NHSL2: variants seen among roughly 807,000 people sequenced by gnomAD.
NHSL2 encodes NHS-like protein 2.
A neutral mutation model predicts 53.4 loss-of-function variants in NHSL2; 27 were observed. The ratio of observed to expected loss-of-function variants is 0.51; its 90% CI spans 0.37 to 0.70. The LOEUF (loss-of-function observed/expected upper bound fraction) is 0.70, where lower values mean the gene tolerates loss of function less well. NHSL2 is among the 30% of genes least tolerant of loss of function. NHSL2 has a pLI of 0.00. For missense variants in NHSL2, 892 were observed against 980.1 expected (o/e 0.91, Z 1.20); for synonymous variants, 408 against 404.1 (o/e 1.01, Z -0.12).
intron 1 of NHSL2, among the ~76,000 whole-genome samples, chrX:72,070,277 C>T (rs1385914491): frequency 9.1e-6 from 1 of 110,144 alleles, no homozygotes; most frequent in East Asian, 2.9e-4. Context: ...GTGTAATGCC[C>T]TGCCCCCCAC....
chrX:72,109,333 C>T (rs939865776), intron 1 of NHSL2, among the ~76,000 whole-genome samples: 1 of 112,229 alleles, frequency 8.9e-6, no homozygotes, highest in African/African-American at 3.2e-5. Context: ...AGATGAGGCA[C>T]TGGGAGGTGA....
chrX:72,076,142 A>G (rs1381336888), intron 1 of NHSL2, among the ~76,000 whole-genome samples: 1 of 110,991 alleles, frequency 9.0e-6, no homozygotes, highest in Non-Finnish European at 1.9e-5. Flanking sequence ...CATGTTGGTC[A>G]GGCTGGTCTC....
At position 72,139,648 on chromosome X, in the gene NHSL2, A is replaced by G. The variant is rs373453978; in HGVS notation, c.2100A>G (p.Ser700=). 5.4e-5 allele frequency: 65 copies of G among 1,208,498 alleles called. No homozygotes were observed. Among genetic ancestry groups the G allele is most frequent in the Non-Finnish European group, 6.9e-5 (62 of 894,539 alleles). ...LSIEVEAREI[S]SPGRPPGLMS... ...TTGAAGTGGAGGCCAGGGAGATATC[A>G]TCCCCGGGAAGGCCCCCTGGACTGA... Residue 700 remains serine, a synonymous_variant, in exon 6 of 8, where the codon TCA becomes TCG. Coordinates refer to ENST00000633930, the MANE Select transcript of NHSL2 (RefSeq NM_001013627.3).
intron 1 of NHSL2, among the ~76,000 whole-genome samples, chrX:72,025,587 G>T (rs1297422893): frequency 8.9e-6 from 1 of 112,729 alleles, no homozygotes; most frequent in Non-Finnish European, 1.9e-5. Context: ...TGTAACCACT[G>T]CAGCTCTCTG....
chrX:72,003,739 C>T (rs1446554671), intron 1 of NHSL2, among the ~76,000 whole-genome samples: 1 of 111,712 alleles, frequency 9.0e-6, no homozygotes, highest in Admixed American at 9.5e-5. Context: ...CTATCATAGT[C>T]GTTACTCTGT....
chrX:72,059,564 C>G (rs2042388403), intron 1 of NHSL2, among the ~76,000 whole-genome samples: 1 of 112,150 alleles, frequency 8.9e-6, no homozygotes, highest in Admixed American at 9.4e-5. Context: ...AGAATGTCCT[C>G]TCTCCAAACC....
At chrX:72,085,705 TTTTTTTTTTG>T (rs1167078519) in intron 1 of NHSL2, among the ~76,000 whole-genome samples, 11 of 68,710 alleles carry the variant, frequency 1.6e-4, no homozygotes, top group African/African-American at 4.1e-4. Context: ...AAATTCTTTG[TTTTTTTTTTG>T]TTTTTTTTTT....
chrX:71,931,426 A>G (rs764607849), intron 1 of NHSL2, among the ~76,000 whole-genome samples: 3 of 112,229 alleles, frequency 2.7e-5, no homozygotes, highest in Non-Finnish European at 3.8e-5. Flanking sequence ...CATCATACGT[A>G]AGAGACCATT....
At chrX:72,093,740 TTCTTTC>T (rs2041919363) in intron 1 of NHSL2, among the ~76,000 whole-genome samples, 1 of 105,098 alleles carries the variant, frequency 9.5e-6, no homozygotes, top group Non-Finnish European at 1.9e-5. Context: ...CTTTCTTTCT[TTCTTTC>T]TTTCTTTCTT....
intron 1 of NHSL2, among the ~76,000 whole-genome samples, chrX:71,963,157 C>T (rs982242493): frequency 9.0e-6 from 1 of 110,556 alleles, no homozygotes; most frequent in Non-Finnish European, 1.9e-5. Context: ...ATTTTTCTGG[C>T]GTCTTGAGGT....
intron 1 of NHSL2, among the ~76,000 whole-genome samples, chrX:72,066,506 A>G (rs775532353): frequency 5.4e-5 from 6 of 111,416 alleles, no homozygotes; most frequent in South Asian, 3.8e-4. Context: ...AGGGGCCACA[A>G]TGGGGCTTAC....
intron 1 of NHSL2, among the ~76,000 whole-genome samples, chrX:71,952,601 G>C (rs2041825653): frequency 9.0e-6 from 1 of 110,864 alleles, no homozygotes; most frequent in Non-Finnish European, 1.9e-5. Flanking sequence ...TCTTCTATAA[G>C]GGTACTAATC....
chrX:72,118,229 C>T (rs1202227819), intron 1 of NHSL2, among the ~76,000 whole-genome samples: 2 of 111,616 alleles, frequency 1.8e-5, no homozygotes, highest in African/African-American at 6.5e-5. Flanking sequence ...CTAATGATGT[C>T]GAGCATCTTT....
intron 1 of NHSL2, among the ~76,000 whole-genome samples, chrX:71,919,247 C>T (rs2041644351): frequency 8.9e-6 from 1 of 111,924 alleles, no homozygotes; most frequent in Non-Finnish European, 1.9e-5. Flanking sequence ...AGGTGAAGTC[C>T]CACTTGCCCA....
At chrX:71,941,427 C>G (rs1316950990) in intron 1 of NHSL2, among the ~76,000 whole-genome samples, 2 of 111,378 alleles carry the variant, frequency 1.8e-5, no homozygotes, top group Non-Finnish European at 3.8e-5. Context: ...GTGAGTAAAA[C>G]AAGCAGAATG....
chrX:71,968,185 A>G (rs2147856491), intron 1 of NHSL2, among the ~76,000 whole-genome samples: 1 of 108,572 alleles, frequency 9.2e-6, no homozygotes, highest in South Asian at 4.1e-4. Context: ...TTTTGTAGAG[A>G]TGGGGGTCTT....
At chrX:71,931,019 A>G (rs765138404) in intron 1 of NHSL2, among the ~76,000 whole-genome samples, 11 of 112,327 alleles carry the variant, frequency 9.8e-5, no homozygotes, top group African/African-American at 3.2e-4. Context: ...CCCATCAGCA[A>G]TGTACAAGGG....
At chrX:72,083,420 C>G (rs1377074613) in intron 1 of NHSL2, among the ~76,000 whole-genome samples, 1 of 112,780 alleles carries the variant, frequency 8.9e-6, no homozygotes, top group East Asian at 2.8e-4. Flanking sequence ...CTCTTTCCAG[C>G]TTTCTGATTA....
chrX:72,132,004 C>A (rs760134988), intron 1 of NHSL2, 75 bp from the exon 2 acceptor site: 7 of 1,064,292 alleles, frequency 6.6e-6, no homozygotes, highest in Non-Finnish European at 8.9e-6. Context: ...TGGGGAACCG[C>A]GGGCGCCCAC....
Sources: gnomAD v4.1 joint callset for allele counts (sites outside exome capture counted in the v4.1 genomes callset) on GRCh38, gnomAD v4.1.1 for gene constraint, MANE v1.5 for transcripts, NCBI Gene and HGNC (gene_info 2026-07-23, HGNC 2026-07-21) for gene names.